The following DPYS variants were observed in gnomAD, a reference collection of about 807,000 sequenced individuals.
DPYS encodes the protein dihydropyrimidinase, also known as dihydropyrimidine amidohydrolase.
DPYS carries 39 observed loss-of-function variants against 50.3 expected under a neutral mutation model. The observed-to-expected ratio is 0.78, with a 90% CI of 0.60 to 1.01. The LOEUF is 1.01. Ranked by LOEUF, DPYS falls within the 50% of genes least tolerant of loss-of-function variation. DPYS has a pLI of 0.00. For missense variants in DPYS, 659 were observed against 680.9 expected (o/e 0.97, Z 0.36); for synonymous variants, 245 against 250.7 (o/e 0.98, Z 0.22).
At chr8:104,416,512 C>A (rs1370651966) in intron 7 of DPYS, among the ~76,000 whole-genome samples, 2 of 152,170 alleles carry the variant, frequency 1.3e-5, no homozygotes, top group Non-Finnish European at 2.9e-5. Context: ...AAGACCCACA[C>A]AATGCACACT....
chr8:104,445,037 G>T (rs536718268), intron 3 of DPYS, among the ~76,000 whole-genome samples: 1 of 152,314 alleles, frequency 6.6e-6, no homozygotes, highest in East Asian at 1.9e-4. Context: ...GATCATCAGA[G>T]AAATGCACAT....
chr8:104,404,482 C>A (rs992745563), intron 7 of DPYS, among the ~76,000 whole-genome samples: 1 of 152,230 alleles, frequency 6.6e-6, no homozygotes, highest in African/African-American at 2.4e-5. Context: ...TGTTTAGAAT[C>A]TTCTAAACTT....
chr8:104,464,370 G>A (rs1215686073), intron 1 of DPYS, among the ~76,000 whole-genome samples: 1 of 152,208 alleles, frequency 6.6e-6, no homozygotes, highest in Non-Finnish European at 1.5e-5. Context: ...TCTTGAGAAA[G>A]AGAGGGAATG....
intron 7 of DPYS, among the ~76,000 whole-genome samples, chr8:104,400,461 G>T (rs773125361): frequency 6.6e-6 from 1 of 152,194 alleles, no homozygotes; most frequent in South Asian, 2.1e-4. Context: ...TTTACCAAAC[G>T]CAAAGCAGCT....
At chr8:104,379,885 C>G (rs574969373) in intron 9 of DPYS, 42 bp from the exon 10 acceptor site, 3 of 455,338 alleles carry the variant, frequency 6.6e-6, no homozygotes, top group South Asian at 4.7e-5. Context: ...CATTCTCCCT[C>G]ACAAAGAGAT....
chr8:104,451,728 T>C (rs1448651422), intron 1 of DPYS, among the ~76,000 whole-genome samples: 1 of 152,224 alleles, frequency 6.6e-6, no homozygotes, highest in Non-Finnish European at 1.5e-5. Context: ...GCACATATTT[T>C]TTCTTGAGAA....
intron 8 of DPYS, among the ~76,000 whole-genome samples, chr8:104,382,136 T>C (rs980157654): frequency 3.9e-5 from 6 of 152,178 alleles, no homozygotes; most frequent in African/African-American, 1.2e-4. Context: ...ATTTTCTTCA[T>C]TCATTCAGCA....
chr8:104,426,885 T>A (rs1403207681), intron 6 of DPYS, among the ~76,000 whole-genome samples: 1 of 152,184 alleles, frequency 6.6e-6, no homozygotes, highest in Non-Finnish European at 1.5e-5. Context: ...TTTAAAAACA[T>A]GATATCCAAG....
intron 8 of DPYS, among the ~76,000 whole-genome samples, chr8:104,382,381 A>G (rs1449814079): frequency 1.3e-5 from 2 of 152,094 alleles, no homozygotes; most frequent in African/African-American, 2.4e-5. Flanking sequence ...CTGTCTACTC[A>G]GTCTTTGAGC....
intron 6 of DPYS, among the ~76,000 whole-genome samples, chr8:104,426,282 TGA>T (rs1422064238): frequency 6.6e-6 from 1 of 152,188 alleles, no homozygotes; most frequent in East Asian, 1.9e-4. Context: ...TATTTCTAAA[TGA>T]GAACTCCCAT....
chr8:104,429,911 A>T, intron 4 of DPYS, among the ~76,000 whole-genome samples: 1 of 152,212 alleles, frequency 6.6e-6, no homozygotes, highest in East Asian at 1.9e-4. Context: ...TGTAAGTATA[A>T]GCTATTCATA....
Position 104,447,480 on chromosome 8 carries a change from A to G in DPYS, c.447T>C (p.Leu149=), listed in dbSNP as rs757754514. The G allele has an allele frequency of 3.7e-5, 60 of 1,614,184 alleles. No homozygotes were observed. The highest frequency in any genetic ancestry group is 5.1e-5 in the Non-Finnish European group (60 of 1,180,026). Residue 149 remains leucine, a synonymous_variant, in exon 3 of 10, where the codon CTT becomes CTC. Transcript: ENST00000351513. ...AAGAGTTAACACCTTTATCTTGCAC[A>G]AGGATTTTCATTTCTTCTTTAACCT... ...SDQVKEEMKI[L]VQDKGVNSFK...
intron 7 of DPYS, among the ~76,000 whole-genome samples, chr8:104,418,468 T>C (rs1000110343): frequency 6.6e-6 from 1 of 152,236 alleles, no homozygotes. Flanking sequence ...ATTTATTCAT[T>C]TGATTAAATA....
At chr8:104,440,652 G>A (rs967294382) in intron 4 of DPYS, among the ~76,000 whole-genome samples, 2 of 152,034 alleles carry the variant, frequency 1.3e-5, no homozygotes, top group Admixed American at 1.3e-4. Flanking sequence ...CCAGCTACTC[G>A]AGAGGCTGAG....
intron 1 of DPYS, among the ~76,000 whole-genome samples, chr8:104,465,249 T>C (rs943324290): frequency 7.4e-5 from 9 of 121,702 alleles, no homozygotes; most frequent in African/African-American, 3.0e-4. Flanking sequence ...CACAGTAACA[T>C]GGGAATAGAA....
intron 7 of DPYS, among the ~76,000 whole-genome samples, chr8:104,399,290 C>CAAAAAAA (rs11323938): frequency 8.0e-5 from 6 of 74,894 alleles, no homozygotes; most frequent in Non-Finnish European, 9.3e-5. Context: ...GACTCCATCT[C>CAAAAAAA]AAAAAAAAAA....
Position 104,466,894 on chromosome 8 carries a change from G to T in DPYS, c.27C>A (p.Ile9=). ...CATCGTTGACCACGCGACCCCCGCG[G>T]ATCAGGAGCCGCGAGGGCGCCGCCA... MAAPSRLL[I]RGGRVVNDDF... The change falls in exon 1 of 10, where the codon ATC becomes ATA. Residue 9 remains isoleucine (I), a synonymous_variant. Coordinates refer to ENST00000351513, the MANE Select transcript of DPYS (RefSeq NM_001385.3). 6.6e-7 allele frequency: 1 copy of T among 1,507,224 alleles called. No homozygotes were observed. The highest frequency in any genetic ancestry group is 8.8e-7 in the Non-Finnish European group (1 of 1,133,992). The allele number at this position is 1,507,224 out of a possible 1,614,324, so 93.4% of individuals were successfully genotyped here. A position where few individuals can be genotyped will look rare whatever the true frequency, so the allele number is the denominator to read the frequency against.
At chr8:104,415,913 G>A (rs1812351707) in intron 7 of DPYS, among the ~76,000 whole-genome samples, 1 of 152,020 alleles carries the variant, frequency 6.6e-6, no homozygotes, top group Non-Finnish European at 1.5e-5. Flanking sequence ...TTCACAAACT[G>A]ACCACCTACT....
chr8:104,462,528 A>G (rs910531453), intron 1 of DPYS, among the ~76,000 whole-genome samples: 1 of 152,200 alleles, frequency 6.6e-6, no homozygotes, highest in African/African-American at 2.4e-5. Context: ...CTTTACAATA[A>G]AGAAAAAACA....
Sources: allele counts gnomAD v4.1 joint callset (sites outside exome capture counted in the v4.1 genomes callset), GRCh38; gene constraint gnomAD v4.1.1; transcripts MANE v1.5; gene names NCBI Gene and HGNC (gene_info 2026-07-23, HGNC 2026-07-21).